Variants in FBXO36 observed in about 807,000 individuals in gnomAD.
FBXO36 encodes the protein F-box protein 36.
A neutral mutation model predicts 17.0 loss-of-function variants in FBXO36; 18 were observed. The ratio of observed to expected loss-of-function variants is 1.06; its 90% CI spans 0.73 to 1.57. The LOEUF (loss-of-function observed/expected upper bound fraction) is 1.57, where lower values mean the gene tolerates loss of function less well. FBXO36 is among the 40% of genes most tolerant of loss of function. The pLI, the probability that FBXO36 is intolerant of heterozygous loss-of-function variation, is 0.00. For missense variants in FBXO36, 229 were observed against 221.9 expected (o/e 1.03, Z -0.20); for synonymous variants, 83 against 85.3 (o/e 0.97, Z 0.15).
At chr2:229,997,327 G>C (rs2077332489) in intron 3 of FBXO36, among the ~76,000 whole-genome samples, 1 of 151,016 alleles carries the variant, frequency 6.6e-6, no homozygotes, top group South Asian at 2.1e-4. Flanking sequence ...TAAGAGAATA[G>C]GGCACTTTGG....
chr2:229,935,928 CT>C (rs1439260722), intron 1 of FBXO36, among the ~76,000 whole-genome samples: 2 of 152,136 alleles, frequency 1.3e-5, no homozygotes, highest in Non-Finnish European at 2.9e-5. Flanking sequence ...TGGCTCACCC[CT>C]GTAATCCCAG....
chr2:229,996,953 G>T lies in FBXO36; in HGVS notation c.378+30G>T. ...CGGTCAATTATTTTATGTCTATATA[G>T]AATTTTCCATGTGCTTTCTAAAAAA... is the stretch of plus-strand genomic sequence containing the variant. On this transcript the variant is annotated intron_variant, in intron 3 of 3. Transcript: ENST00000283946. The T allele has an allele frequency of 1.9e-6, 3 of 1,579,844 alleles. No homozygotes were observed. In the South Asian group the frequency reaches 3.5e-5, roughly 19 times the overall value.
intron 1 of FBXO36, among the ~76,000 whole-genome samples, chr2:229,965,358 T>C (rs568524397): frequency 6.6e-6 from 1 of 150,808 alleles, no homozygotes; most frequent in Non-Finnish European, 1.5e-5. Flanking sequence ...CTTTTTTATT[T>C]ATTTATTTTT....
At chr2:229,980,154 TCTC>T (rs573420529) in intron 2 of FBXO36, among the ~76,000 whole-genome samples, 26 of 152,080 alleles carry the variant, frequency 1.7e-4, no homozygotes, top group Non-Finnish European at 3.5e-4. Context: ...TTTAAGCAGT[TCTC>T]ATGCCACAGA....
chr2:229,981,298 GGGTAACACAGTGA>G (rs2077238251), intron 2 of FBXO36, among the ~76,000 whole-genome samples: 1 of 151,970 alleles, frequency 6.6e-6, no homozygotes, highest in African/African-American at 2.4e-5. Context: ...AGACCAGCCT[GGGTAACACAGTGA>G]GACCACCCCC....
chr2:229,925,773 TTTTC>T (rs1257770539), intron 1 of FBXO36, among the ~76,000 whole-genome samples: 2 of 152,156 alleles, frequency 1.3e-5, no homozygotes, highest in Non-Finnish European at 2.9e-5. Context: ...TACATAAACA[TTTTC>T]TTTGTTTATA....
intron 1 of FBXO36, among the ~76,000 whole-genome samples, chr2:229,966,499 T>C (rs2077153555): frequency 6.6e-6 from 1 of 152,024 alleles, no homozygotes; most frequent in Non-Finnish European, 1.5e-5. Flanking sequence ...TCTTCTAGGG[T>C]TTTTATGGTT....
At chr2:229,963,666 G>A (rs1408880976) in intron 1 of FBXO36, among the ~76,000 whole-genome samples, 1 of 151,598 alleles carries the variant, frequency 6.6e-6, no homozygotes, top group African/African-American at 2.4e-5. Context: ...GGATGGTCTC[G>A]ATCTCCTGAC....
chr2:229,997,070 C>T, intron 3 of FBXO36, 147 bp downstream of exon 3: 1 of 708,294 alleles, frequency 1.4e-6, no homozygotes. Context: ...TGACATTCCT[C>T]CCCTCAAAGA....
At chr2:230,001,172 C>T (rs560960005) in intron 3 of FBXO36, among the ~76,000 whole-genome samples, 13 of 152,126 alleles carry the variant, frequency 8.5e-5, no homozygotes, top group Non-Finnish European at 1.9e-4. Flanking sequence ...CACTTTTTTT[C>T]TTATTTGCAC....
intron 1 of FBXO36, among the ~76,000 whole-genome samples, chr2:229,928,229 G>A (rs1262845912): frequency 6.6e-6 from 1 of 152,150 alleles, no homozygotes; most frequent in Non-Finnish European, 1.5e-5. Flanking sequence ...ACAATGCGGT[G>A]GATCTCTGTT....
At chr2:229,964,969 G>A (rs2077143536) in intron 1 of FBXO36, among the ~76,000 whole-genome samples, 1 of 152,102 alleles carries the variant, frequency 6.6e-6, no homozygotes, top group South Asian at 2.1e-4. Flanking sequence ...AAGGTCTTTG[G>A]AGATTTTTCC....
At chr2:229,972,282 G>A (rs374612317) in intron 1 of FBXO36, among the ~76,000 whole-genome samples, 133 of 152,188 alleles carry the variant, frequency 8.7e-4, no homozygotes, top group African/African-American at 3.0e-3. Flanking sequence ...ACAGGCATGA[G>A]CCACCGTGCC....
chr2:229,975,233 A>T (rs1577350089), intron 1 of FBXO36, among the ~76,000 whole-genome samples: 1 of 152,104 alleles, frequency 6.6e-6, no homozygotes, highest in Non-Finnish European at 1.5e-5. Flanking sequence ...ACACTTTTTC[A>T]TGCATCAAAC....
intron 2 of FBXO36, among the ~76,000 whole-genome samples, chr2:229,982,732 G>T (rs573852828): frequency 1.4e-5 from 2 of 147,400 alleles, no homozygotes; most frequent in Non-Finnish European, 3.0e-5. Context: ...GCTTGAAACT[G>T]GGAGGCAGAA....
At chr2:229,948,158 T>C (rs1218994530) in intron 1 of FBXO36, among the ~76,000 whole-genome samples, 3 of 152,320 alleles carry the variant, frequency 2.0e-5, no homozygotes, top group East Asian at 3.9e-4. Flanking sequence ...ATTATGTTTT[T>C]AAAAATAAAC....
chr2:229,923,764 A>G (rs1019955311), intron 1 of FBXO36, among the ~76,000 whole-genome samples: 1 of 151,612 alleles, frequency 6.6e-6, no homozygotes, highest in African/African-American at 2.4e-5. Flanking sequence ...ATTTTTAATT[A>G]AACTGTTCTT....
intron 2 of FBXO36, among the ~76,000 whole-genome samples, chr2:229,986,966 C>T (rs1393786855): frequency 6.6e-6 from 1 of 151,740 alleles, no homozygotes; most frequent in Non-Finnish European, 1.5e-5. Flanking sequence ...CACCTGTAAT[C>T]CCAGCACTTT....
rs2077418961 is a variant in FBXO36 at position 230,012,148 on chromosome 2, G to A, written c.*1264G>A. ...TCCTACCTAGGAAAACTCACCTCCG[G>A]TGCCAGAGAAACTTCCCAGGATGCA... On this transcript the variant is annotated 3_prime_UTR_variant, in exon 4 of 4. Transcript: ENST00000283946. 6.6e-6 allele frequency: 1 copy of A among 151,684 alleles called. No individual in the cohort carries two copies. The highest frequency in any genetic ancestry group is 6.6e-5 in the Admixed American group (1 of 15,238). 9.4% of individuals were successfully genotyped at this position (151,684 alleles called of 1,614,324 possible). A position where few individuals can be genotyped will look rare whatever the true frequency, so the allele number is the denominator to read the frequency against.
Sources: allele counts gnomAD v4.1 joint callset (sites outside exome capture counted in the v4.1 genomes callset), GRCh38; gene constraint gnomAD v4.1.1; transcripts MANE v1.5; gene names NCBI Gene and HGNC (gene_info 2026-07-23, HGNC 2026-07-21).